The following PLEKHG1 variants were observed in gnomAD, a reference collection of about 807,000 sequenced individuals.
PLEKHG1 encodes the protein pleckstrin homology domain-containing family G member 1.
Under a neutral mutation model 100.8 loss-of-function variants are expected in PLEKHG1, and 44 were observed. The observed-to-expected ratio is 0.44, with a 90% CI of 0.34 to 0.56. PLEKHG1 has a LOEUF of 0.56. PLEKHG1 is among the 20% of genes least tolerant of loss of function. The pLI is 0.01. For missense variants in PLEKHG1, 1,545 were observed against 1,720.9 expected, an observed-to-expected ratio of 0.90 and a Z score of 1.81; for synonymous variants, 640 against 662.5, an observed-to-expected ratio of 0.97 and a Z score of 0.52.
chr6:150,732,810 C>T (rs181753415), intron 1 of PLEKHG1, among the ~76,000 whole-genome samples: 1,852 of 152,280 alleles, frequency 0.012, 24 homozygotes, highest in South Asian at 0.028. Flanking sequence ...TTGTCTCAAA[C>T]GCCTGGCCTC....
intron 2 of PLEKHG1, among the ~76,000 whole-genome samples, chr6:150,764,507 A>G (rs930538122): frequency 2.0e-5 from 3 of 152,168 alleles, no homozygotes; most frequent in African/African-American, 4.8e-5. Context: ...AAGATTCTGC[A>G]TGACCTGTCC....
At chr6:150,644,332 G>GGGTTTTTTTTT (rs1562404967) in intron 2 of PLEKHG1, among the ~76,000 whole-genome samples, 2 of 96,564 alleles carry the variant, frequency 2.1e-5, no homozygotes, top group African/African-American at 8.8e-5. Flanking sequence ...TTTTCTTTTC[G>GGGTTTTTTTTT]TGTTTTTTTT....
intron 3 of PLEKHG1, among the ~76,000 whole-genome samples, chr6:150,705,527 G>A (rs562527978): frequency 1.3e-5 from 2 of 152,204 alleles, no homozygotes; most frequent in East Asian, 1.9e-4. Flanking sequence ...GAGCCCAGTC[G>A]CCCCACCTGC....
intron 13 of PLEKHG1, among the ~76,000 whole-genome samples, chr6:150,821,994 A>G (rs1413564384): frequency 6.6e-6 from 1 of 150,918 alleles, no homozygotes; most frequent in Middle Eastern, 3.2e-3. Flanking sequence ...AGCATGTGCC[A>G]CCGCGCCTGG....
Position 150,835,549 on chromosome 6 carries a change from C to T in PLEKHG1, c.3094+3344C>T, listed in dbSNP as rs76653901. Among the ~76,000 whole-genome samples, 15 of 152,214 alleles carry T rather than the reference C, an allele frequency of 9.9e-5. No individual in the cohort carries two copies. In the East Asian group the frequency reaches 2.5e-3, roughly 25 times the overall value. Reference sequence around the variant, plus strand: ...AGGCAATAAACCAGAGACATTCTTGCGATTGTCATGTAGTCATAATGTATA... The same window carrying T: ...AGGCAATAAACCAGAGACATTCTTGTGATTGTCATGTAGTCATAATGTATA... On this transcript the variant is annotated intron_variant, in intron 15 of 15. Coordinates refer to ENST00000358517, the Ensembl canonical transcript of PLEKHG1.
intron 2 of PLEKHG1, among the ~76,000 whole-genome samples, chr6:150,740,447 G>A (rs1270412061): frequency 6.6e-6 from 1 of 152,242 alleles, no homozygotes; most frequent in African/African-American, 2.4e-5. Flanking sequence ...CTGTTGAGAA[G>A]AGGGGAATTG....
intron 4 of PLEKHG1, among the ~76,000 whole-genome samples, chr6:150,792,933 G>T (rs1786085187): frequency 6.6e-6 from 1 of 152,178 alleles, no homozygotes; most frequent in Non-Finnish European, 1.5e-5. Context: ...GAATGCTCAA[G>T]AAGGGGCTCC....
chr6:150,611,811 C>CAA (rs35351890), intron 1 of PLEKHG1, among the ~76,000 whole-genome samples: 17 of 121,586 alleles, frequency 1.4e-4, no homozygotes, highest in African/African-American at 3.9e-4. Flanking sequence ...GACTCCATCT[C>CAA]AAAAAAAAAA....
intron 15 of PLEKHG1, among the ~76,000 whole-genome samples, chr6:150,834,388 G>T (rs900461947): frequency 1.1e-4 from 17 of 152,130 alleles, no homozygotes; most frequent in African/African-American, 4.1e-4. Flanking sequence ...AGTCTGGGTT[G>T]GGGCTCCTCA....
chr6:150,728,664 A>G (rs1044580111), intron 1 of PLEKHG1, among the ~76,000 whole-genome samples: 21 of 151,432 alleles, frequency 1.4e-4, no homozygotes, highest in Admixed American at 6.6e-4. Context: ...TTGGGAGGCC[A>G]AGGCGGGTAG....
chr6:150,765,937 TC>T (rs1035741006), intron 2 of PLEKHG1, among the ~76,000 whole-genome samples: 7 of 152,192 alleles, frequency 4.6e-5, no homozygotes, highest in African/African-American at 1.7e-4. Flanking sequence ...CCTGCCCACT[TC>T]CCATACTTTG....
intron 1 of PLEKHG1, among the ~76,000 whole-genome samples, chr6:150,635,190 G>A (rs1777941693): frequency 6.6e-6 from 1 of 152,074 alleles, no homozygotes; most frequent in African/African-American, 2.4e-5. Context: ...ATTCCAATTA[G>A]CCTCCTGGCA....
chr6:150,831,518 A>G lies in PLEKHG1; in HGVS notation c.2407A>G (p.Thr803Ala). ...GGACGAAGCCCCTTACCATCAGGCC[A>G]CTCCCGATCATGGTTATCTGAGTTT... Residue 803 changes from threonine to alanine, a missense_variant, in exon 15 of 16, where the codon ACT becomes GCT. Transcript: ENST00000358517. This position sits in a 1 kb window ranked among gnomAD's most constrained non-coding sequence, Gnocchi z 4.1. 6.2e-7 allele frequency: 1 copy of G among 1,613,896 alleles called. No individual in the cohort carries two copies. The highest frequency in any genetic ancestry group is 8.5e-7 in the Non-Finnish European group (1 of 1,179,944).
At chr6:150,799,530 G>T (rs1583154740) in intron 5 of PLEKHG1, among the ~76,000 whole-genome samples, 1 of 152,140 alleles carries the variant, frequency 6.6e-6, no homozygotes, top group East Asian at 1.9e-4. Flanking sequence ...TTTGTTGCAG[G>T]TTCTTACCCT....
chr6:150,795,896 A>G lies in PLEKHG1; in HGVS notation c.623A>G (p.Tyr208Cys), dbSNP rs373035090. The change falls in exon 5 of 16, where the codon TAT becomes TGT. Residue 208 changes from tyrosine to cysteine, a missense_variant. By Grantham distance (194) the Tyr-to-Cys change is radical. Coordinates refer to ENST00000358517, the Ensembl canonical transcript of PLEKHG1. ...ATTTATACCCAGTATTGCACTAACT[A>G]TCCAAGGTATGGATCGAGAATGGGC... is the stretch of plus-strand genomic sequence containing the variant. 3.8e-6 allele frequency: 6 copies of G among 1,597,404 alleles called. No homozygotes were observed. The highest frequency in any genetic ancestry group is 5.1e-6 in the Non-Finnish European group (6 of 1,165,356).
intron 3 of PLEKHG1, among the ~76,000 whole-genome samples, chr6:150,706,752 G>A (rs749309901): frequency 2.0e-5 from 3 of 151,780 alleles, no homozygotes; most frequent in African/African-American, 7.3e-5. Context: ...TTATTTAAAC[G>A]GAGGTTTTCA....
intron 2 of PLEKHG1, among the ~76,000 whole-genome samples, chr6:150,753,952 C>T (rs1302452554): frequency 1.3e-5 from 2 of 152,198 alleles, no homozygotes; most frequent in Admixed American, 1.3e-4. Flanking sequence ...GAATTCACTC[C>T]ATGAGGTTGC....
chr6:150,707,031 T>G (rs1203204811), intron 3 of PLEKHG1, among the ~76,000 whole-genome samples: 1 of 135,788 alleles, frequency 7.4e-6, no homozygotes, highest in Non-Finnish European at 1.6e-5. Context: ...TAAGATGGAG[T>G]CTTGCTCTGT....
intron 3 of PLEKHG1, among the ~76,000 whole-genome samples, chr6:150,707,100 G>A (rs1442528680): frequency 6.9e-6 from 1 of 145,170 alleles, no homozygotes; most frequent in Non-Finnish European, 1.5e-5. Flanking sequence ...TGCCTCCCAG[G>A]TTCAAGCGAT....
Sources: allele counts gnomAD v4.1 joint callset (sites outside exome capture counted in the v4.1 genomes callset), GRCh38; gene constraint gnomAD v4.1.1; non-coding constraint Gnocchi (gnomAD v3.1); transcripts MANE v1.5; gene names NCBI Gene and HGNC (gene_info 2026-07-23, HGNC 2026-07-21).